Variants in ZNF385B observed in about 807,000 individuals in gnomAD.
ZNF385B encodes zinc finger protein 533.
A neutral mutation model predicts 39.2 loss-of-function variants in ZNF385B; 23 were observed. The ratio of observed to expected loss-of-function variants is 0.59; its 90% CI spans 0.42 to 0.83. The LOEUF is 0.83. Among genes scored for constraint, ZNF385B ranks in the 40% least tolerant of loss-of-function variants. The pLI is 0.00. For synonymous variants in ZNF385B, 205 were observed against 222.6 expected (o/e 0.92, Z 0.70); for missense variants, 552 against 598.9 (o/e 0.92, Z 0.82).
chr2:179,531,866 T>C (rs1241192007), intron 4 of ZNF385B, among the ~76,000 whole-genome samples: 4 of 152,150 alleles, frequency 2.6e-5, no homozygotes, highest in Non-Finnish European at 5.9e-5. Flanking sequence ...ATAGCAAAAA[T>C]ATTTTATGTC....
intron 3 of ZNF385B, among the ~76,000 whole-genome samples, chr2:179,603,683 AG>A (rs1688580899): frequency 6.6e-6 from 1 of 152,190 alleles, no homozygotes; most frequent in South Asian, 2.1e-4. Context: ...TAGTGTCTCC[AG>A]TTGACCCATG....
chr2:179,831,286 C>T (rs1434759878), intron 1 of ZNF385B, among the ~76,000 whole-genome samples: 1 of 152,038 alleles, frequency 6.6e-6, no homozygotes, highest in Admixed American at 6.6e-5. Context: ...CTCACATAAC[C>T]TTATGAGGTA....
At chr2:179,809,346 A>G (rs1706592261) in intron 1 of ZNF385B, among the ~76,000 whole-genome samples, 1 of 152,184 alleles carries the variant, frequency 6.6e-6, no homozygotes, top group Middle Eastern at 3.2e-3. Context: ...GTTTCTTGCC[A>G]TTGAATTATG....
chr2:179,640,156 A>G (rs1465225566), intron 3 of ZNF385B, among the ~76,000 whole-genome samples: 1 of 152,202 alleles, frequency 6.6e-6, no homozygotes, highest in Admixed American at 6.6e-5. Flanking sequence ...AGACCTGACC[A>G]TTAAATGTAG....
At chr2:179,783,366 G>A (rs766403306) in intron 1 of ZNF385B, among the ~76,000 whole-genome samples, 3 of 151,848 alleles carry the variant, frequency 2.0e-5, no homozygotes, top group Non-Finnish European at 4.4e-5. Context: ...TAAAAGCAAA[G>A]ACTATAAAAA....
chr2:179,704,964 A>G (rs1438336123), intron 3 of ZNF385B, among the ~76,000 whole-genome samples: 1 of 152,010 alleles, frequency 6.6e-6, no homozygotes, highest in Non-Finnish European at 1.5e-5. Context: ...ACAGAAGCAC[A>G]CCCTGCTATC....
chr2:179,570,065 C>T (rs1685037887), intron 3 of ZNF385B, among the ~76,000 whole-genome samples: 1 of 152,182 alleles, frequency 6.6e-6, no homozygotes, highest in South Asian at 2.1e-4. Flanking sequence ...CTTCTCTGCT[C>T]CTCAGCTGAC....
chr2:179,825,268 C>A (rs1173224027), intron 1 of ZNF385B, among the ~76,000 whole-genome samples: 1 of 152,078 alleles, frequency 6.6e-6, no homozygotes, highest in African/African-American at 2.4e-5. Context: ...ATCCTAATCC[C>A]CCATTTACAA....
intron 4 of ZNF385B, among the ~76,000 whole-genome samples, chr2:179,542,797 T>C (rs187501541): frequency 2.0e-4 from 30 of 152,232 alleles, no homozygotes; most frequent in African/African-American, 7.2e-4. Context: ...GGTATATGTA[T>C]AACATACTTC....
At chr2:179,670,448 A>T (rs1012182547) in intron 3 of ZNF385B, among the ~76,000 whole-genome samples, 3 of 152,190 alleles carry the variant, frequency 2.0e-5, no homozygotes, top group Non-Finnish European at 4.4e-5. Context: ...GTCATAAGAA[A>T]AACTCAAGAG....
At chr2:179,590,098 T>C (rs1290331100) in intron 3 of ZNF385B, among the ~76,000 whole-genome samples, 2 of 152,232 alleles carry the variant, frequency 1.3e-5, no homozygotes, top group East Asian at 1.9e-4. Context: ...ACTTCTCTGA[T>C]CTTCTGCTGC....
At chr2:179,611,404 T>C (rs1689276642) in intron 3 of ZNF385B, among the ~76,000 whole-genome samples, 1 of 78,700 alleles carries the variant, frequency 1.3e-5, no homozygotes, top group African/African-American at 5.4e-5. Flanking sequence ...CACTTGGTCA[T>C]CATGGATAAT....
chr2:179,755,379 A>G (rs1425395080), intron 3 of ZNF385B, among the ~76,000 whole-genome samples: 6 of 151,506 alleles, frequency 4.0e-5, no homozygotes, highest in African/African-American at 7.3e-5. Context: ...GAATAAGTGC[A>G]ATGTGGTGCT....
intron 1 of ZNF385B, among the ~76,000 whole-genome samples, chr2:179,799,938 G>A (rs1377028542): frequency 6.6e-6 from 1 of 152,030 alleles, no homozygotes; most frequent in Admixed American, 6.6e-5. Context: ...ATAAATATCT[G>A]TCTTTGGATT....
chr2:179,722,668 ACTT>A (rs919150861), intron 3 of ZNF385B, among the ~76,000 whole-genome samples: 2 of 152,144 alleles, frequency 1.3e-5, no homozygotes, highest in African/African-American at 2.4e-5. Context: ...GTAGAGAAAC[ACTT>A]CTTAAATGGA....
At chr2:179,754,281 G>A (rs1310934689) in intron 3 of ZNF385B, among the ~76,000 whole-genome samples, 1 of 152,184 alleles carries the variant, frequency 6.6e-6, no homozygotes, top group Non-Finnish European at 1.5e-5. Flanking sequence ...CAGGGATGAA[G>A]CCCAGTTGAT....
At chr2:179,563,225 A>T (rs1684145532) in intron 3 of ZNF385B, among the ~76,000 whole-genome samples, 1 of 152,192 alleles carries the variant, frequency 6.6e-6, no homozygotes, top group Admixed American at 6.5e-5. Flanking sequence ...TAATTAATTT[A>T]ACTTTGCATC....
chr2:179,812,569 C>CTT (rs1369773273), intron 1 of ZNF385B, among the ~76,000 whole-genome samples: 1 of 152,146 alleles, frequency 6.6e-6, no homozygotes, highest in Non-Finnish European at 1.5e-5. Context: ...CATGTTCTCA[C>CTT]TTATAAGTGG....
At chr2:179,780,604 G>A (rs1319170312) in intron 1 of ZNF385B, among the ~76,000 whole-genome samples, 3 of 152,052 alleles carry the variant, frequency 2.0e-5, no homozygotes, top group South Asian at 2.1e-4. Flanking sequence ...CCATGATCTC[G>A]TTTGGACTTC....
Sources: gnomAD v4.1 joint callset for allele counts (sites outside exome capture counted in the v4.1 genomes callset) on GRCh38, gnomAD v4.1.1 for gene constraint, MANE v1.5 for transcripts, NCBI Gene and HGNC (gene_info 2026-07-23, HGNC 2026-07-21) for gene names.